HLA-DRA: variants seen among roughly 807,000 people sequenced by gnomAD.
HLA-DRA encodes the protein HLA class II histocompatibility antigen, DR alpha chain.
A neutral mutation model predicts 22.1 loss-of-function variants in HLA-DRA; 8 were observed. The ratio of observed to expected loss-of-function variants is 0.36; its 90% CI spans 0.21 to 0.65. The LOEUF is 0.65. HLA-DRA is among the 30% of genes least tolerant of loss of function. The probability of loss-of-function intolerance (pLI) is 0.63; values close to 1 mark genes in which losing one functional copy is unlikely to be tolerated. For missense variants in HLA-DRA, 248 were observed against 321.3 expected, an observed-to-expected ratio of 0.77 and a Z score of 1.74; for synonymous variants, 101 against 117.1, an observed-to-expected ratio of 0.86 and a Z score of 0.89.
In HLA-DRA at chr6:32,442,583, T is replaced by C. The variant is rs760968091; in HGVS notation, c.218T>C (p.Phe73Ser). ...GAGACGGTCTGGCGGCTTGAAGAAT[T>C]TGGACGATTTGCCAGCTTTGAGGCT... is the stretch of plus-strand genomic sequence containing the variant. ...KKETVWRLEE[F>S]GRFASFEAQG... The change falls in exon 2 of 5, where the codon TTT becomes TCT. Residue 73 changes from phenylalanine to serine, a missense_variant. Coordinates refer to ENST00000395388, the MANE Select transcript of HLA-DRA (RefSeq NM_019111.5). 2 of 1,612,918 alleles carry C rather than the reference T, an allele frequency of 1.2e-6. No individual in the cohort carries two copies. The highest frequency in any genetic ancestry group is 1.3e-5 in the African/African-American group (1 of 74,896).
In HLA-DRA at chr6:32,439,963, G is replaced by A. The variant is rs138394438; in HGVS notation, c.13G>A (p.Gly5Arg). 7.0e-5 allele frequency: 113 copies of A among 1,614,062 alleles called. No homozygotes were observed. In the African/African-American group the frequency reaches 1.3e-3, roughly 19 times the overall value. The part of the protein sequence containing the change: MAIS[G>R]VPVLGFFIIA... The stretch of plus-strand genomic sequence containing the variant: ...GCCCAAGAAGAAAATGGCCATAAGT[G>A]GAGTCCCTGTGCTAGGATTTTTCAT... The change falls in exon 1 of 5, where the codon GGA (glycine) becomes AGA (arginine). Residue 5 changes from glycine (G) to arginine (R), a missense_variant. Gly to Arg is a moderately radical substitution (Grantham distance 125). Coordinates refer to ENST00000395388, the MANE Select transcript of HLA-DRA (RefSeq NM_019111.5).
In HLA-DRA at chr6:32,443,372, G is replaced by A; in HGVS notation, c.516G>A (p.Lys172=). ...CCAGGGAAGACCACCTTTTCCGCAA[G>A]TTCCACTATCTCCCCTTCCTGCCCT... The part of the protein sequence containing the change: ...FLPREDHLFR[K]FHYLPFLPST... The change falls in exon 3 of 5, where the codon AAG becomes AAA. Residue 172 remains lysine, a synonymous_variant. Transcript: ENST00000395388. The A allele has an allele frequency of 1.9e-6, 3 of 1,612,974 alleles. No homozygotes were observed. The highest frequency in any genetic ancestry group is 2.5e-6 in the Non-Finnish European group (3 of 1,179,964).
At position 32,439,989 on chromosome 6, in the gene HLA-DRA, C is replaced by T. The variant is rs781412925; in HGVS notation, c.39C>T (p.Ile13=). Reference sequence around the variant, plus strand: ...GAGTCCCTGTGCTAGGATTTTTCATCATAGCTGTGCTGATGAGCGCTCAGG... The same window carrying T: ...GAGTCCCTGTGCTAGGATTTTTCATTATAGCTGTGCTGATGAGCGCTCAGG... The part of the protein sequence containing the change: ...ISGVPVLGFF[I]IAVLMSAQES... The change falls in exon 1 of 5, where the codon ATC becomes ATT. Residue 13 remains isoleucine, a synonymous_variant. Transcript: ENST00000395388. 3.1e-6 allele frequency: 5 copies of T among 1,614,090 alleles called. No individual in the cohort carries two copies. The highest frequency in any genetic ancestry group is 3.4e-6 in the Non-Finnish European group (4 of 1,180,022).
chr6:32,440,929 A>G (rs910110795), intron 1 of HLA-DRA, among the ~76,000 whole-genome samples: 1 of 152,222 alleles, frequency 6.6e-6, no homozygotes, highest in African/African-American at 2.4e-5. Flanking sequence ...AGAGCCATAC[A>G]TAGGGATACT....
chr6:32,441,789 T>A (rs1762636914), intron 1 of HLA-DRA, among the ~76,000 whole-genome samples: 1 of 152,220 alleles, frequency 6.6e-6, no homozygotes, highest in South Asian at 2.1e-4. Context: ...ACAGTGCTTG[T>A]TACAGTCTTG....
intron 1 of HLA-DRA, among the ~76,000 whole-genome samples, chr6:32,441,599 T>G (rs1457456824): frequency 6.6e-6 from 1 of 152,180 alleles, no homozygotes; most frequent in Non-Finnish European, 1.5e-5. Flanking sequence ...ATTGCCAAGG[T>G]CAATCCAGAC....
At position 32,440,008 on chromosome 6, in the gene HLA-DRA, G is replaced by A. The variant is rs142154804; in HGVS notation, c.58G>A (p.Ala20Thr). 46 of 1,614,034 alleles carry A rather than the reference G, an allele frequency of 2.9e-5. No individual in the cohort carries two copies. In the African/African-American group the frequency reaches 5.2e-4, roughly 18 times the overall value. ...TTTCATCATAGCTGTGCTGATGAGC[G>A]CTCAGGAATCATGGGCTATCAAAGG... is the stretch of plus-strand genomic sequence containing the variant. ...GFFIIAVLMS[A>T]QESWAIKEEH... is the part of the protein sequence containing the mutation. The change falls in exon 1 of 5, where the codon GCT becomes ACT. Residue 20 changes from alanine to threonine, a missense_variant. Coordinates refer to ENST00000395388, the MANE Select transcript of HLA-DRA (RefSeq NM_019111.5).
rs1424852006 is a variant in HLA-DRA, at chr6:32,443,897, G to C, written c.752G>C (p.Arg251Thr). Residue 251 changes from arginine (R) to threonine (T), a missense_variant, in exon 4 of 5, where the codon AGG becomes ACG. Physicochemically the swap from Arg to Thr is moderately conservative, Grantham distance 71. Coordinates refer to ENST00000395388, the MANE Select transcript of HLA-DRA (RefSeq NM_019111.5). ...GLRKSNAAER[R>T]GPL ...CGCAAAAGCAATGCAGCAGAACGCA[G>C]GGGGCCTCTGTAAGGCACATGGAGG... 7 of 1,600,244 alleles carry C rather than the reference G, an allele frequency of 4.4e-6. No individual in the cohort carries two copies. Among genetic ancestry groups the C allele is most frequent in the Non-Finnish European group, 6.0e-6 (7 of 1,174,054 alleles).
At chr6:32,442,793 C>A in intron 2 of HLA-DRA, 100 bp downstream of exon 2, 4 of 1,465,226 alleles carry the variant, frequency 2.7e-6, no homozygotes, top group Non-Finnish European at 3.7e-6. Context: ...ATTTTCCCTC[C>A]AAGGGTCTAA....
chr6:32,443,806 G>T lies in HLA-DRA; in HGVS notation c.661G>T (p.Ala221Ser). 1 of 1,611,918 alleles carries T rather than the reference G, an allele frequency of 6.2e-7. No homozygotes were observed. The highest frequency in any genetic ancestry group is 8.5e-7 in the Non-Finnish European group (1 of 1,179,526). The stretch of plus-strand genomic sequence containing the variant: ...AGAGACTACAGAGAACGTGGTGTGT[G>T]CCCTGGGCCTGACTGTGGGTCTGGT... ...LPETTENVVC[A>S]LGLTVGLVGI... Residue 221 changes from alanine (A) to serine (S), a missense_variant, in exon 4 of 5, where the codon GCC becomes TCC. Physicochemically the swap from Ala to Ser is moderately conservative, Grantham distance 99 (BLOSUM62 1). Transcript: ENST00000395388.
At chr6:32,440,896 T>C (rs181733709) in intron 1 of HLA-DRA, among the ~76,000 whole-genome samples, 3 of 152,250 alleles carry the variant, frequency 2.0e-5, no homozygotes, top group East Asian at 1.9e-4. Context: ...ATAGTGGCAA[T>C]TGTAGATTTC....
At position 32,443,279 on chromosome 6, in the gene HLA-DRA, G is replaced by A. The variant is rs1762731963; in HGVS notation, c.423G>A (p.Val141=). The A allele has an allele frequency of 6.2e-7, 1 of 1,612,834 alleles. No homozygotes were observed. Among genetic ancestry groups the A allele is most frequent in the Non-Finnish European group, 8.5e-7 (1 of 1,179,958 alleles). ...TCATAGACAAGTTCACCCCACCAGT[G>A]GTCAATGTCACGTGGCTTCGAAATG... The part of the protein sequence containing the change: ...ICFIDKFTPP[V]VNVTWLRNGK... The change falls in exon 3 of 5, where the codon GTG becomes GTA. Residue 141 remains valine (V), a synonymous_variant. Coordinates refer to ENST00000395388, the MANE Select transcript of HLA-DRA (RefSeq NM_019111.5).
Position 32,444,990 on chromosome 6 carries a change from T to A in HLA-DRA, c.*350T>A. 1 of 154,368 alleles carries A rather than the reference T, an allele frequency of 6.5e-6. No individual in the cohort carries two copies. 9.6% of individuals were successfully genotyped at this position (154,368 alleles called of 1,614,324 possible). ...TCTTGTGTACTTATTGTTTAAGGTT[T>A]CCTCAAACTGTGATTTTTCTGAACA... On this transcript the variant is annotated 3_prime_UTR_variant, in exon 5 of 5. Transcript: ENST00000395388.
At chr6:32,443,524 GA>G in intron 3 of HLA-DRA, 58 bp downstream of exon 3, 1 of 1,474,374 alleles carries the variant, frequency 6.8e-7, no homozygotes, top group Non-Finnish European at 9.4e-7. Context: ...ATGCTTGTGT[GA>G]AACTCGGTGT....
chr6:32,441,072 A>G (rs1762584554), intron 1 of HLA-DRA, among the ~76,000 whole-genome samples: 1 of 152,204 alleles, frequency 6.6e-6, no homozygotes, highest in South Asian at 2.1e-4. Flanking sequence ...AAAATCTCTC[A>G]TCTTGGCTGG....
rs1762726107 is a variant in HLA-DRA at position 32,443,205 on chromosome 6, C to T, written c.349C>T (p.Leu117Phe). The change falls in exon 3 of 5, where the codon CTC becomes TTC. Residue 117 changes from leucine (L) to phenylalanine (F), a missense_variant. Transcript: ENST00000395388. ...CCCAGTACCTCCAGAGGTAACTGTG[C>T]TCACAAACAGCCCTGTGGAACTGAG... ...ITNVPPEVTV[L>F]TNSPVELREP... is the part of the protein sequence containing the mutation. The T allele has an allele frequency of 6.2e-7, 1 of 1,612,446 alleles. No individual in the cohort carries two copies. Among genetic ancestry groups the T allele is most frequent in the African/African-American group, 1.3e-5 (1 of 74,910 alleles).
chr6:32,442,306 C>A (rs16822616), intron 1 of HLA-DRA, 142 bp from the exon 2 acceptor site: 107,331 of 977,022 alleles, frequency 0.11, 6,597 homozygotes, highest in Non-Finnish European at 0.12. Flanking sequence ...TGTCTTGTCA[C>A]TCATCCCTAC....
In HLA-DRA at chr6:32,443,444, T is replaced by A. The variant is rs1451714404; in HGVS notation, c.588T>A (p.Asp196Glu). The change falls in exon 3 of 5, where the codon GAT (aspartate) becomes GAA (glutamate). Residue 196 changes from aspartate (D) to glutamate (E), a missense_variant. By Grantham distance (45) the Asp-to-Glu change is conservative. Coordinates refer to ENST00000395388, the MANE Select transcript of HLA-DRA (RefSeq NM_019111.5). ...GCAGGGTGGAGCACTGGGGCTTGGATGAGCCTCTTCTCAAGCACTGGGGTA... is the reference window on the plus strand; with the variant it reads ...GCAGGGTGGAGCACTGGGGCTTGGAAGAGCCTCTTCTCAAGCACTGGGGTA... ...YDCRVEHWGL[D>E]EPLLKHWEFD... 6.2e-7 allele frequency: 1 copy of A among 1,612,806 alleles called. No individual in the cohort carries two copies. The highest frequency in any genetic ancestry group is 1.3e-5 in the African/African-American group (1 of 74,918).
intron 4 of HLA-DRA, 46 bp downstream of exon 4, chr6:32,443,967 G>A (rs1562305365): frequency 1.5e-6 from 2 of 1,367,984 alleles, no homozygotes; most frequent in Non-Finnish European, 1.9e-6. Flanking sequence ...AGATATCTGA[G>A]GGAGGAAAAC....
Sources: gnomAD v4.1 joint callset for allele counts (sites outside exome capture counted in the v4.1 genomes callset) on GRCh38, gnomAD v4.1.1 for gene constraint, MANE v1.5 for transcripts, NCBI Gene and HGNC (gene_info 2026-07-23, HGNC 2026-07-21) for gene names.